Variants in DLG2 observed in about 807,000 individuals in gnomAD.
DLG2 encodes discs large MAGUK scaffold protein 2.
In DLG2, 45 loss-of-function variants were observed where a neutral mutation model predicts 132.5. The ratio of observed to expected loss-of-function variants is 0.34; its 90% CI spans 0.27 to 0.44. The LOEUF (loss-of-function observed/expected upper bound fraction) is 0.44, where lower values mean the gene tolerates loss of function less well. DLG2 is among the 20% of genes least tolerant of loss of function. The pLI is 1.00. For missense variants in DLG2, 1,045 were observed against 1,196.9 expected (o/e 0.87, Z 1.87); for synonymous variants, 424 against 419.6 (o/e 1.01, Z -0.13).
At chr11:85,094,964 C>A (rs1169549351) in intron 6 of DLG2, among the ~76,000 whole-genome samples, 1 of 152,092 alleles carries the variant, frequency 6.6e-6, no homozygotes, top group African/African-American at 2.4e-5. Context: ...CACTTAGAGG[C>A]CATTGTAAGG....
Position 85,255,211 on chromosome 11 carries a change from A to G in DLG2, c.186+30009T>C, listed in dbSNP as rs985107283. On this transcript the variant is annotated intron_variant, in intron 4 of 27. Transcript: ENST00000376104. ...CAACATATCCTTTAGAGGGCTTATA[A>G]TTAAAAGGATTCCTATTTAACTCCA... Among the ~76,000 whole-genome samples, 8 of 152,164 alleles carry G rather than the reference A, an allele frequency of 5.3e-5. 1 individual carries two copies. Among genetic ancestry groups the G allele is most frequent in the Non-Finnish European group, 2.9e-5 (2 of 68,018 alleles).
intron 8 of DLG2, among the ~76,000 whole-genome samples, chr11:84,195,804 C>T (rs2096505018): frequency 6.6e-6 from 1 of 152,142 alleles, no homozygotes; most frequent in African/African-American, 2.4e-5. Flanking sequence ...CTTTTCCTTG[C>T]AGCTTTTAAC....
intron 7 of DLG2, among the ~76,000 whole-genome samples, chr11:84,305,488 C>T (rs1473496674): frequency 6.6e-6 from 1 of 152,050 alleles, no homozygotes; most frequent in Non-Finnish European, 1.5e-5. Flanking sequence ...AGGAAAATTG[C>T]AGATGGTAGG....
chr11:83,707,038 G>A (rs150029645), intron 18 of DLG2, among the ~76,000 whole-genome samples: 9 of 152,172 alleles, frequency 5.9e-5, no homozygotes, highest in African/African-American at 1.7e-4. Flanking sequence ...ACTCCATGAA[G>A]TAGGTCATAC....
chr11:85,407,302 C>T (rs1216009177), intron 3 of DLG2, among the ~76,000 whole-genome samples: 1 of 151,770 alleles, frequency 6.6e-6, no homozygotes, highest in Non-Finnish European at 1.5e-5. Flanking sequence ...TAGAAGAGAA[C>T]CAGTTGGAAG....
At chr11:84,970,307 CCT>C (rs2053915319) in intron 6 of DLG2, among the ~76,000 whole-genome samples, 1 of 152,154 alleles carries the variant, frequency 6.6e-6, no homozygotes, top group African/African-American at 2.4e-5. Context: ...TGTCTCTACT[CCT>C]CTTCCTTTTC....
At chr11:84,214,682 T>G (rs1468065948) in intron 8 of DLG2, among the ~76,000 whole-genome samples, 1 of 152,162 alleles carries the variant, frequency 6.6e-6, no homozygotes, top group African/African-American at 2.4e-5. Context: ...AGTTTTAATT[T>G]CATGAGAGAA....
chr11:84,675,604 T>C (rs764824619), intron 6 of DLG2, among the ~76,000 whole-genome samples: 5 of 152,084 alleles, frequency 3.3e-5, no homozygotes, highest in Non-Finnish European at 5.9e-5. Flanking sequence ...CTGGTTCACA[T>C]AGCACTCGTT....
intron 7 of DLG2, among the ~76,000 whole-genome samples, chr11:84,521,913 C>A (rs757520115): frequency 6.6e-6 from 1 of 152,274 alleles, no homozygotes; most frequent in East Asian, 1.9e-4. Flanking sequence ...GCAATCCCAG[C>A]ACTTTGGGAG....
chr11:84,344,524 T>C (rs2098530560), intron 7 of DLG2, among the ~76,000 whole-genome samples: 1 of 152,214 alleles, frequency 6.6e-6, no homozygotes, highest in African/African-American at 2.4e-5. Flanking sequence ...TACTTCTTGA[T>C]GGAGATGGTT....
intron 3 of DLG2, among the ~76,000 whole-genome samples, chr11:85,487,830 A>G (rs986779863): frequency 2.4e-4 from 37 of 152,190 alleles, no homozygotes; most frequent in African/African-American, 8.9e-4. Flanking sequence ...CAGGAAAACA[A>G]TGCAAAGAAG....
At chr11:83,718,683 T>A (rs1451681889) in intron 18 of DLG2, among the ~76,000 whole-genome samples, 1 of 152,068 alleles carries the variant, frequency 6.6e-6, no homozygotes, top group Non-Finnish European at 1.5e-5. Flanking sequence ...GAAAATAGAC[T>A]GAGAGGCTGA....
At chr11:84,736,867 T>G (rs2063901990) in intron 6 of DLG2, among the ~76,000 whole-genome samples, 2 of 152,008 alleles carry the variant, frequency 1.3e-5, no homozygotes, top group African/African-American at 4.8e-5. Flanking sequence ...TCTTTACTGA[T>G]TATGCTGGTT....
At chr11:84,240,043 T>C (rs2097206634) in intron 8 of DLG2, among the ~76,000 whole-genome samples, 1 of 152,226 alleles carries the variant, frequency 6.6e-6, no homozygotes, top group Non-Finnish European at 1.5e-5. Flanking sequence ...CATCTAGGAA[T>C]GGCTTTGTGC....
chr11:85,536,164 C>T (rs1332289845), intron 3 of DLG2, among the ~76,000 whole-genome samples: 4 of 141,324 alleles, frequency 2.8e-5, no homozygotes, highest in East Asian at 2.1e-4. Context: ...TGCAGTGAGC[C>T]GAGATCACAC....
intron 7 of DLG2, among the ~76,000 whole-genome samples, chr11:84,329,398 G>T (rs1343248453): frequency 6.6e-6 from 1 of 152,044 alleles, no homozygotes; most frequent in Non-Finnish European, 1.5e-5. Context: ...CTGAATCATG[G>T]GGGCAGCTAC....
At chr11:85,608,656 A>T (rs1489408514) in intron 2 of DLG2, among the ~76,000 whole-genome samples, 5 of 151,964 alleles carry the variant, frequency 3.3e-5, no homozygotes, top group Non-Finnish European at 5.9e-5. Flanking sequence ...AGGACCACAA[A>T]ACCCCCCAGG....
chr11:83,727,956 T>G (rs1019583209), intron 18 of DLG2, among the ~76,000 whole-genome samples: 1 of 152,166 alleles, frequency 6.6e-6, no homozygotes, highest in South Asian at 2.1e-4. Context: ...TCAGCCAAAT[T>G]CATGGATTTT....
chr11:85,066,823 C>G (rs2065001057), intron 6 of DLG2, among the ~76,000 whole-genome samples: 1 of 151,714 alleles, frequency 6.6e-6, no homozygotes, highest in African/African-American at 2.4e-5. Context: ...AACAAACCTA[C>G]AGACAACATG....
Sources: allele counts gnomAD v4.1 joint callset (sites outside exome capture counted in the v4.1 genomes callset), GRCh38; gene constraint gnomAD v4.1.1; transcripts MANE v1.5; gene names NCBI Gene and HGNC (gene_info 2026-07-23, HGNC 2026-07-21).